The following CYS1 variants were observed in gnomAD, a reference collection of about 807,000 sequenced individuals.
CYS1 encodes cystin-1.
Under a neutral mutation model 9.6 loss-of-function variants are expected in CYS1, and 5 were observed. That is an observed-to-expected ratio of 0.52 (90% CI 0.27 to 1.10). The LOEUF is 1.10. Among genes scored for constraint, CYS1 ranks in the 50% least tolerant of loss-of-function variants. The pLI, the probability that CYS1 is intolerant of heterozygous loss-of-function variation, is 0.11. For synonymous variants in CYS1, 88 were observed against 95.7 expected (o/e 0.92, Z 0.47); for missense variants, 221 against 207.9 (o/e 1.06, Z -0.39).
intron 1 of CYS1, among the ~76,000 whole-genome samples, chr2:10,069,925 G>T (rs1380816190): frequency 6.6e-6 from 1 of 152,196 alleles, no homozygotes; most frequent in Non-Finnish European, 1.5e-5. Flanking sequence ...AAGGGAGGTG[G>T]GTTGTGTTCA....
intron 1 of CYS1, 37 bp from the exon 2 acceptor site, chr2:10,065,993 G>A: frequency 6.2e-7 from 1 of 1,612,654 alleles, no homozygotes; most frequent in Non-Finnish European, 8.5e-7. Context: ...TTCAAAGATT[G>A]TCAACAGTGC....
chr2:10,066,092 C>T lies in CYS1; in HGVS notation c.319-136G>A, dbSNP rs969292017. The stretch of plus-strand genomic sequence containing the variant: ...ATAAGCCTCGGAGCGGAAAGGCTCT[C>T]GAGCTGTCAAGTTCCATCCACTCAT... On this transcript the variant is annotated intron_variant, in intron 1 of 2. Coordinates refer to ENST00000381813, the MANE Select transcript of CYS1 (RefSeq NM_001037160.3). 8.0e-5 allele frequency: 77 copies of T among 966,258 alleles called. No homozygotes were observed. The African/African-American group carries it at 9.6e-4, about 12-fold the overall frequency. 59.9% of individuals were successfully genotyped at this position (966,258 alleles called of 1,614,324 possible).
At chr2:10,073,203 G>A in intron 1 of CYS1, among the ~76,000 whole-genome samples, 1 of 78,294 alleles carries the variant, frequency 1.3e-5, no homozygotes, top group African/African-American at 5.4e-5. Flanking sequence ...AGGGGCTCTG[G>A]GAACCGCCCC....
At chr2:10,072,660 C>T (rs1661784741) in intron 1 of CYS1, among the ~76,000 whole-genome samples, 1 of 152,222 alleles carries the variant, frequency 6.6e-6, no homozygotes, top group Admixed American at 6.5e-5. Context: ...CTTAAGGAAA[C>T]TTGAACATGT....
intron 1 of CYS1, among the ~76,000 whole-genome samples, chr2:10,070,047 C>T (rs1230818658): frequency 1.3e-5 from 2 of 152,182 alleles, no homozygotes; most frequent in Non-Finnish European, 2.9e-5. Flanking sequence ...GCTCATGCCC[C>T]CTTCTTAGAA....
At chr2:10,078,670 T>C (rs1661893997) in intron 1 of CYS1, among the ~76,000 whole-genome samples, 1 of 152,238 alleles carries the variant, frequency 6.6e-6, no homozygotes, top group Admixed American at 6.5e-5. Flanking sequence ...TCCTGTGGCC[T>C]TTTGATACGG....
In CYS1 at chr2:10,080,049, T is replaced by C; in HGVS notation, c.175A>G (p.Ser59Gly). 9.5e-6 allele frequency: 10 copies of C among 1,048,672 alleles called. No homozygotes were observed. Among genetic ancestry groups the C allele is most frequent in the Non-Finnish European group, 1.1e-5 (10 of 872,690 alleles). 65.0% of individuals were successfully genotyped at this position (1,048,672 alleles called of 1,614,324 possible). ...CTGCCGTCGGGGGGCGCCACGGGGC[T>C]GGGGTCGCGGCCGGGCGCCTCCTCC... ...AAEEAPGRDPSPVAPPDGRDE... is the reference protein window; with the variant it reads ...AAEEAPGRDPGPVAPPDGRDE... The change falls in exon 1 of 3, where the codon AGC becomes GGC. Residue 59 changes from serine (S) to glycine (G), a missense_variant. Ser to Gly is a moderately conservative substitution (Grantham distance 56). Transcript: ENST00000381813. This position sits in a 1 kb window ranked among gnomAD's most constrained non-coding sequence, Gnocchi z 6.4.
At position 10,063,002 on chromosome 2, in the gene CYS1, G is replaced by A. The variant is rs1050833935; in HGVS notation, c.371+2902C>T. ...TCAGGTCAGGATGGCCCAGCCAAAA[G>A]CTCAGGGAAGCAGCGACTTCCTCCC... is the stretch of plus-strand genomic sequence containing the variant. On this transcript the variant is annotated intron_variant, in intron 2 of 2. Coordinates refer to ENST00000381813, the MANE Select transcript of CYS1 (RefSeq NM_001037160.3). This position sits in a 1 kb window ranked among gnomAD's most constrained non-coding sequence, Gnocchi z 4.2. Among the ~76,000 whole-genome samples the A allele has an allele frequency of 6.6e-6, 1 of 152,218 alleles. No homozygotes were observed. Among genetic ancestry groups the A allele is most frequent in the African/African-American group, 2.4e-5 (1 of 41,456 alleles).
chr2:10,075,481 C>T (rs891949642), intron 1 of CYS1, among the ~76,000 whole-genome samples: 8 of 152,190 alleles, frequency 5.3e-5, no homozygotes, highest in Non-Finnish European at 1.0e-4. Flanking sequence ...CAGACTTGAA[C>T]GCAGGCAGAT....
Position 10,063,067 on chromosome 2 carries a change from C to T in CYS1, c.371+2837G>A, listed in dbSNP as rs762051724. On this transcript the variant is annotated intron_variant, in intron 2 of 2. Transcript: ENST00000381813. This position sits in a 1 kb window ranked among gnomAD's most constrained non-coding sequence, Gnocchi z 4.2. Reference sequence around the variant, plus strand: ...CTCTGCTGCTTCCGCAGGGCCCTCCCGGGGGAAGGACCTGGCGTTGTCAGG... The same window carrying T: ...CTCTGCTGCTTCCGCAGGGCCCTCCTGGGGGAAGGACCTGGCGTTGTCAGG... Among the ~76,000 whole-genome samples, 20 of 152,202 alleles carry T rather than the reference C, an allele frequency of 1.3e-4. No homozygotes were observed. Among genetic ancestry groups the T allele is most frequent in the Non-Finnish European group, 2.1e-4 (14 of 68,038 alleles).
At chr2:10,073,570 G>T (rs1315946542) in intron 1 of CYS1, among the ~76,000 whole-genome samples, 1 of 152,218 alleles carries the variant, frequency 6.6e-6, no homozygotes, top group African/African-American at 2.4e-5. Context: ...AGAGCTTGGT[G>T]GGAATCGGAA....
At chr2:10,078,253 C>T (rs1227730903) in intron 1 of CYS1, among the ~76,000 whole-genome samples, 6 of 152,204 alleles carry the variant, frequency 3.9e-5, no homozygotes, top group Admixed American at 2.0e-4. Context: ...GACTCGGCCA[C>T]CTGGATCATT....
chr2:10,072,518 C>T (rs111636127), intron 1 of CYS1, among the ~76,000 whole-genome samples: 2,146 of 152,356 alleles, frequency 0.014, 43 homozygotes, highest in African/African-American at 0.049. Flanking sequence ...TATGTACATA[C>T]ACCAGTTATA....
rs569375064 is a variant in CYS1, at chr2:10,063,083, C to T, written c.371+2821G>A. Among the ~76,000 whole-genome samples the T allele has an allele frequency of 2.6e-5, 4 of 152,334 alleles. No homozygotes were observed. Among genetic ancestry groups the T allele is most frequent in the South Asian group, 2.1e-4 (1 of 4,828 alleles). ...GGGCCCTCCCGGGGGAAGGACCTGGCGTTGTCAGGATGGTCAGGACTGGGG... is the reference window on the plus strand; with the variant it reads ...GGGCCCTCCCGGGGGAAGGACCTGGTGTTGTCAGGATGGTCAGGACTGGGG... On this transcript the variant is annotated intron_variant, in intron 2 of 2. Coordinates refer to ENST00000381813, the MANE Select transcript of CYS1 (RefSeq NM_001037160.3). This position sits in a 1 kb window ranked among gnomAD's most constrained non-coding sequence, Gnocchi z 4.2.
chr2:10,058,585 G>A lies in CYS1; in HGVS notation c.*268C>T. ...TTTCAGGCTCCAGAAGAACTGGGCA[G>A]GCTCCCCGCGTTGGGGAGGAGGCGC... On this transcript the variant is annotated 3_prime_UTR_variant, in exon 3 of 3. Transcript: ENST00000381813. The A allele has an allele frequency of 2.6e-6, 1 of 381,002 alleles. No individual in the cohort carries two copies. The highest frequency in any genetic ancestry group is 4.8e-6 in the Non-Finnish European group (1 of 208,586). The allele number at this position is 381,002 out of a possible 1,614,324, so 23.6% of individuals were successfully genotyped here.
rs1661571935 is a variant in CYS1, at chr2:10,057,823, C to CT, written c.*1029dup. On this transcript the variant is annotated 3_prime_UTR_variant, in exon 3 of 3. Coordinates refer to ENST00000381813, the MANE Select transcript of CYS1 (RefSeq NM_001037160.3). ...CTGCCCGCCCACACAGGAGTCCCCTCTAGCCGGAGCTCCGCCCCCTGTTCC... is the reference window on the plus strand; with the variant it reads ...CTGCCCGCCCACACAGGAGTCCCCTCTTAGCCGGAGCTCCGCCCCCTGTTCC... 1 of 152,432 alleles carries CT rather than the reference C, an allele frequency of 6.6e-6. No homozygotes were observed. The highest frequency in any genetic ancestry group is 2.4e-5 in the African/African-American group (1 of 41,474). 9.4% of individuals were successfully genotyped at this position (152,432 alleles called of 1,614,324 possible). A position where few individuals can be genotyped will look rare whatever the true frequency, so the allele number is the denominator to read the frequency against.
intron 1 of CYS1, among the ~76,000 whole-genome samples, chr2:10,075,355 C>T (rs112150835): frequency 1.3e-4 from 20 of 152,346 alleles, no homozygotes; most frequent in African/African-American, 4.3e-4. Context: ...CGTGCATTTA[C>T]GCACCCCTTC....
Position 10,071,351 on chromosome 2 carries a change from T to G in CYS1, c.319-5395A>C, listed in dbSNP as rs1006162171. Reference sequence around the variant, plus strand: ...GACACTGAGCTGCCTGCTGCTGCCCTTCTGAAAGGGCAGCGGGACCCTTGC... The same window carrying G: ...GACACTGAGCTGCCTGCTGCTGCCCGTCTGAAAGGGCAGCGGGACCCTTGC... On this transcript the variant is annotated intron_variant, in intron 1 of 2. Coordinates refer to ENST00000381813, the MANE Select transcript of CYS1 (RefSeq NM_001037160.3). 1.2e-4 allele frequency among the ~76,000 whole-genome samples: 19 copies of G among 152,278 alleles called. No individual in the cohort carries two copies. The East Asian group carries it at 1.4e-3, about 11-fold the overall frequency.
Position 10,063,961 on chromosome 2 carries a change from G to A in CYS1, c.371+1943C>T, listed in dbSNP as rs887297947. 9.2e-5 allele frequency among the ~76,000 whole-genome samples: 14 copies of A among 152,212 alleles called. No individual in the cohort carries two copies. Among genetic ancestry groups the A allele is most frequent in the African/African-American group, 3.4e-4 (14 of 41,448 alleles). On this transcript the variant is annotated intron_variant, in intron 2 of 2. Coordinates refer to ENST00000381813, the MANE Select transcript of CYS1 (RefSeq NM_001037160.3). This position sits in a 1 kb window ranked among gnomAD's most constrained non-coding sequence, Gnocchi z 4.2. ...GAAAAGGCTGGGTGCAGTGGCTCACGCCCATAATCCCAGCACTTTGGGAGG... is the reference window on the plus strand; with the variant it reads ...GAAAAGGCTGGGTGCAGTGGCTCACACCCATAATCCCAGCACTTTGGGAGG...
Sources: allele counts gnomAD v4.1 joint callset (sites outside exome capture counted in the v4.1 genomes callset), GRCh38; gene constraint gnomAD v4.1.1; non-coding constraint Gnocchi (gnomAD v3.1); transcripts MANE v1.5; gene names NCBI Gene and HGNC (gene_info 2026-07-23, HGNC 2026-07-21).